Variants in ADAM18 observed in about 807,000 individuals in gnomAD.
The protein encoded by ADAM18 is ADAM metallopeptidase domain 18, also known as disintegrin and metalloproteinase domain-containing protein 18.
A neutral mutation model predicts 94.4 loss-of-function variants in ADAM18; 117 were observed. The observed-to-expected ratio is 1.24, with a 90% CI of 1.07 to 1.45. ADAM18 has a LOEUF of 1.45. Among genes scored for constraint, ADAM18 ranks in the 40% most tolerant of loss-of-function variants. ADAM18 has a pLI of 0.00. For synonymous variants in ADAM18, 327 were observed against 291.6 expected (o/e 1.12, Z -1.24); for missense variants, 936 against 880.0 (o/e 1.06, Z -0.81).
Position 39,692,653 on chromosome 8 carries a change from T to C in ADAM18, c.1875T>C (p.Asn625=), listed in dbSNP as rs906197131. Residue 625 remains asparagine, a synonymous_variant, in exon 17 of 20, where the codon AAT becomes AAC. Coordinates refer to ENST00000265707, the MANE Select transcript of ADAM18 (RefSeq NM_014237.3). The part of the protein sequence containing the change: ...RKVHLMGYNC[N]ATTKCKGKGI... ...TTCATTTAATGGGATATAACTGTAA[T>C]GCCACCACAAAATGCAAAGGGAAAG... is the stretch of plus-strand genomic sequence containing the variant. 1.9e-6 allele frequency: 3 copies of C among 1,607,386 alleles called. No individual in the cohort carries two copies. The highest frequency in any genetic ancestry group is 2.7e-5 in the African/African-American group (2 of 74,660).
intron 14 of ADAM18, among the ~76,000 whole-genome samples, chr8:39,675,507 C>G (rs1821275450): frequency 6.6e-6 from 1 of 152,196 alleles, no homozygotes; most frequent in Admixed American, 6.5e-5. Context: ...ACTGTTTATT[C>G]TAGTTAGCCA....
intron 18 of ADAM18, among the ~76,000 whole-genome samples, chr8:39,722,144 TCTC>T (rs1454739780): frequency 7.4e-5 from 11 of 147,724 alleles, no homozygotes; most frequent in Non-Finnish European, 1.6e-4. Flanking sequence ...ATATAAAATA[TCTC>T]CTCTCATTCT....
At chr8:39,705,875 G>C (rs1238796594) in intron 17 of ADAM18, among the ~76,000 whole-genome samples, 1 of 152,048 alleles carries the variant, frequency 6.6e-6, no homozygotes, top group Non-Finnish European at 1.5e-5. Context: ...TATACATACA[G>C]GTATGAGAAG....
At position 39,704,101 on chromosome 8, in the gene ADAM18, A is replaced by G. The variant is rs1011843425; in HGVS notation, c.1903-2689A>G. ...TACCAACCAAAAAAAGCCCAGGACGATAGATTCACAGGTGATTTCTACCTG... is the reference window on the plus strand; with the variant it reads ...TACCAACCAAAAAAAGCCCAGGACGGTAGATTCACAGGTGATTTCTACCTG... On this transcript the variant is annotated intron_variant, in intron 17 of 19. Coordinates refer to ENST00000265707, the MANE Select transcript of ADAM18 (RefSeq NM_014237.3). Among the ~76,000 whole-genome samples the G allele has an allele frequency of 2.6e-5, 4 of 152,298 alleles. No homozygotes were observed. In the East Asian group the frequency reaches 7.7e-4, roughly 29 times the overall value.
rs1563285276 is a variant in ADAM18 at position 39,637,053 on chromosome 8, A to ATATATACATATATATATATATG, written c.589-205_589-204insCATATATATATATATGTATATA. On this transcript the variant is annotated intron_variant, in intron 7 of 19. Coordinates refer to ENST00000265707, the MANE Select transcript of ADAM18 (RefSeq NM_014237.3). Reference sequence around the variant, plus strand: ...TATATATATATATATATATATATATATATATATATATATGTATATACATAA... The same window carrying ATATATACATATATATATATATG: ...TATATATATATATATATATATATATATATATACATATATATATATATGTATATATATATATGTATATACATAA... 5.0e-5 allele frequency among the ~76,000 whole-genome samples: 7 copies of ATATATACATATATATATATATG among 138,672 alleles called. 1 individual carries two copies. Among genetic ancestry groups the ATATATACATATATATATATATG allele is most frequent in the African/African-American group, 1.9e-4 (7 of 37,278 alleles). 91.0% of individuals were successfully genotyped at this position (138,672 alleles called of 152,430 possible). A position where few individuals can be genotyped will look rare whatever the true frequency, so the allele number is the denominator to read the frequency against.
chr8:39,657,267 A>G (rs1025548253), intron 12 of ADAM18, among the ~76,000 whole-genome samples: 2 of 152,120 alleles, frequency 1.3e-5, no homozygotes, highest in Non-Finnish European at 2.9e-5. Flanking sequence ...TCAAGATCAC[A>G]TTTCCTTTTA....
intron 6 of ADAM18, among the ~76,000 whole-genome samples, chr8:39,615,569 A>G (rs1423773456): frequency 6.6e-6 from 1 of 152,208 alleles, no homozygotes; most frequent in African/African-American, 2.4e-5. Flanking sequence ...ACATACTTCA[A>G]AATAATGAGT....
At chr8:39,594,365 T>G (rs941841095) in intron 2 of ADAM18, among the ~76,000 whole-genome samples, 2 of 152,214 alleles carry the variant, frequency 1.3e-5, no homozygotes, top group African/African-American at 4.8e-5. Context: ...AAACTCAATA[T>G]GAAAAGGTAA....
At chr8:39,706,723 A>G in intron 17 of ADAM18, 67 bp from the exon 18 acceptor site, 2 of 745,938 alleles carry the variant, frequency 2.7e-6, no homozygotes, top group Non-Finnish European at 4.5e-6. Flanking sequence ...TATATCAGAT[A>G]CAAAGACCTT....
intron 18 of ADAM18, among the ~76,000 whole-genome samples, chr8:39,708,043 T>C (rs937103928): frequency 4.3e-4 from 65 of 152,278 alleles, no homozygotes; most frequent in Admixed American, 3.5e-3. Context: ...ATGTATTCGT[T>C]GGACTTGGGA....
intron 5 of ADAM18, among the ~76,000 whole-genome samples, chr8:39,610,277 T>A (rs1184831287): frequency 2.0e-5 from 3 of 152,134 alleles, no homozygotes; most frequent in East Asian, 3.8e-4. Context: ...TTGGCCTTAA[T>A]TAATGTGATT....
At position 39,691,955 on chromosome 8, in the gene ADAM18, T is replaced by A. The variant is rs1585985504; in HGVS notation, c.1822-645T>A. On this transcript the variant is annotated intron_variant, in intron 16 of 19. Transcript: ENST00000265707. The stretch of plus-strand genomic sequence containing the variant: ...TTTATTCATGTTTAGTATTGTTATG[T>A]TGTGAACGACTTAAACAGATTTTAT... 2.0e-5 allele frequency among the ~76,000 whole-genome samples: 3 copies of A among 152,030 alleles called. No homozygotes were observed. The South Asian group carries it at 6.2e-4, about 31-fold the overall frequency.
chr8:39,638,335 T>C (rs1820142290), intron 9 of ADAM18, 130 bp from the exon 10 acceptor site: 4 of 514,394 alleles, frequency 7.8e-6, no homozygotes, highest in Non-Finnish European at 1.4e-5. Flanking sequence ...TTATTAGATA[T>C]TACCTAGTTT....
chr8:39,723,770 C>T lies in ADAM18; in HGVS notation c.2040C>T (p.Gly680=), dbSNP rs145383497. The change falls in exon 19 of 20, where the codon GGC becomes GGT. Residue 680 remains glycine, a synonymous_variant. Coordinates refer to ENST00000265707, the MANE Select transcript of ADAM18 (RefSeq NM_014237.3). ...TAGGTGACTTTTATACTGAAAAAGG[C>T]TACAATACACACTGGAACAACTGGT... The part of the protein sequence containing the change: ...QKSGDFYTEK[G]YNTHWNNWFI... The T allele has an allele frequency of 5.0e-5, 78 of 1,551,598 alleles. 1 individual carries two copies. The East Asian group carries it at 1.8e-3, about 36-fold the overall frequency.
At chr8:39,610,886 G>A in intron 6 of ADAM18, 180 bp downstream of exon 6, 4 of 1,253,506 alleles carry the variant, frequency 3.2e-6, no homozygotes, top group South Asian at 2.7e-5. Context: ...CATATTTCAA[G>A]CTTAATATTT....
chr8:39,702,644 T>C (rs1822116730), intron 17 of ADAM18, among the ~76,000 whole-genome samples: 1 of 152,232 alleles, frequency 6.6e-6, no homozygotes, highest in South Asian at 2.1e-4. Context: ...TTAGTCCATC[T>C]TAAGTTGATT....
chr8:39,659,350 C>A (rs1241302228), intron 12 of ADAM18, among the ~76,000 whole-genome samples: 1 of 151,212 alleles, frequency 6.6e-6, no homozygotes, highest in Non-Finnish European at 1.5e-5. Flanking sequence ...TAAGGATCCC[C>A]TAGTACTGGA....
intron 19 of ADAM18, among the ~76,000 whole-genome samples, chr8:39,729,090 T>C (rs1363075995): frequency 1.3e-5 from 2 of 152,154 alleles, no homozygotes; most frequent in African/African-American, 4.8e-5. Context: ...TATCTCACTG[T>C]GGTTTTGATT....
chr8:39,637,222 T>A (rs1345969051), intron 7 of ADAM18, 42 bp from the exon 8 acceptor site: 1 of 1,410,990 alleles, frequency 7.1e-7, no homozygotes, highest in Admixed American at 1.9e-5. Context: ...TTCACATGGA[T>A]TCAAAATAAT....
Sources: gnomAD v4.1 joint callset for allele counts (sites outside exome capture counted in the v4.1 genomes callset) on GRCh38, gnomAD v4.1.1 for gene constraint, MANE v1.5 for transcripts, NCBI Gene and HGNC (gene_info 2026-07-23, HGNC 2026-07-21) for gene names.